TMEM132D: variants seen among roughly 807,000 people sequenced by gnomAD.
TMEM132D encodes mature OL transmembrane protein.
In TMEM132D, 21 loss-of-function variants were observed where a neutral mutation model predicts 62.3. The observed-to-expected ratio is 0.34, with a 90% CI of 0.24 to 0.49. TMEM132D has a LOEUF of 0.49. Ranked by LOEUF, TMEM132D falls within the 20% of genes least tolerant of loss-of-function variation. TMEM132D has a pLI of 0.99. For missense variants in TMEM132D, 1,346 were observed against 1,402.8 expected (o/e 0.96, Z 0.65); for synonymous variants, 621 against 575.6 (o/e 1.08, Z -1.13).
chr12:129,571,830 T>A (rs1176218909), intron 2 of TMEM132D, among the ~76,000 whole-genome samples: 17 of 151,896 alleles, frequency 1.1e-4, no homozygotes, highest in Non-Finnish European at 1.5e-5. Flanking sequence ...GGATTTTTTT[T>A]AAAGACCATT....
In TMEM132D at chr12:129,372,710, A is replaced by C. The variant is rs1870652284; in HGVS notation, c.1116-34893T>G. Among the ~76,000 whole-genome samples the C allele has an allele frequency of 3.9e-5, 6 of 151,936 alleles. 1 individual carries two copies. In the South Asian group the frequency reaches 1.2e-3, roughly 32 times the overall value. ...GCTCCTTATGAGAATCTAATGCCTG[A>C]TGATCTGTCACTGTCTCCTGTCTCC... On this transcript the variant is annotated intron_variant, in intron 3 of 8. Transcript: ENST00000422113.
intron 1 of TMEM132D, among the ~76,000 whole-genome samples, chr12:129,757,999 T>C (rs1008254496): frequency 1.3e-5 from 2 of 152,260 alleles, no homozygotes; most frequent in South Asian, 4.2e-4. Flanking sequence ...GCCTCCTGGG[T>C]TCAAGTGATT....
Position 129,078,515 on chromosome 12 carries a change from C to G in TMEM132D, c.2115+19G>C, listed in dbSNP as rs766925189. ...GGTGAGGGACCCTGCTGAAGTGTGTCTCAAGCCCTCCTCCATACCTGTTTT... is the reference window on the plus strand; with the variant it reads ...GGTGAGGGACCCTGCTGAAGTGTGTGTCAAGCCCTCCTCCATACCTGTTTT... On this transcript the variant is annotated intron_variant, in intron 8 of 8. Transcript: ENST00000422113. 3.1e-6 allele frequency: 5 copies of G among 1,608,114 alleles called. No homozygotes were observed. In the South Asian group the frequency reaches 5.5e-5, roughly 18 times the overall value.
chr12:129,150,634 G>A (rs1877045040), intron 5 of TMEM132D, among the ~76,000 whole-genome samples: 1 of 152,186 alleles, frequency 6.6e-6, no homozygotes, highest in Non-Finnish European at 1.5e-5. Flanking sequence ...AAAGCCAGGT[G>A]GTCTGATCCC....
intron 4 of TMEM132D, among the ~76,000 whole-genome samples, chr12:129,240,144 C>A (rs1364242272): frequency 2.6e-5 from 4 of 152,114 alleles, no homozygotes; most frequent in Non-Finnish European, 5.9e-5. Flanking sequence ...AATAAAACAG[C>A]AATGAGCAGT....
At chr12:129,648,027 C>T (rs1879831234) in intron 2 of TMEM132D, among the ~76,000 whole-genome samples, 1 of 152,178 alleles carries the variant, frequency 6.6e-6, no homozygotes, top group South Asian at 2.1e-4. Flanking sequence ...AAAGTCCCTC[C>T]CTGTTTGGAG....
intron 3 of TMEM132D, among the ~76,000 whole-genome samples, chr12:129,526,305 C>A (rs1233723667): frequency 6.6e-6 from 1 of 152,046 alleles, no homozygotes; most frequent in African/African-American, 2.4e-5. Context: ...TTCCTCGAGA[C>A]AAAGTCTTTG....
intron 1 of TMEM132D, among the ~76,000 whole-genome samples, chr12:129,823,056 C>T (rs569301933): frequency 6.6e-5 from 10 of 152,088 alleles, no homozygotes; most frequent in African/African-American, 9.7e-5. Context: ...AGTGAGTCAT[C>T]GTGAGATCTG....
At chr12:129,272,072 T>C (rs756201789) in intron 4 of TMEM132D, among the ~76,000 whole-genome samples, 25 of 151,904 alleles carry the variant, frequency 1.6e-4, no homozygotes, top group Non-Finnish European at 3.4e-4. Context: ...ACAGTTTTTC[T>C]ACAGCAAAGT....
chr12:129,750,235 G>A (rs10847934), intron 1 of TMEM132D, among the ~76,000 whole-genome samples: 38,417 of 151,872 alleles, frequency 0.25, 5,608 homozygotes, highest in East Asian at 0.37. Flanking sequence ...ACAGGCACCC[G>A]CCACCACGCC....
At chr12:129,484,939 A>G (rs770180969) in intron 3 of TMEM132D, among the ~76,000 whole-genome samples, 8 of 152,302 alleles carry the variant, frequency 5.3e-5, no homozygotes, top group South Asian at 2.1e-4. Flanking sequence ...CCCTGGGCCA[A>G]TGTTTTAGAG....
chr12:129,130,782 C>A (rs11060151), intron 5 of TMEM132D, among the ~76,000 whole-genome samples: 23,271 of 152,046 alleles, frequency 0.15, 2,034 homozygotes, highest in East Asian at 0.3. Flanking sequence ...AGGAGTACAA[C>A]GGTGCATATT....
chr12:129,715,271 A>T (rs1868530004), intron 1 of TMEM132D, among the ~76,000 whole-genome samples: 1 of 152,158 alleles, frequency 6.6e-6, no homozygotes, highest in African/African-American at 2.4e-5. Context: ...GAGAAGGGAC[A>T]AATCACACAA....
chr12:129,269,062 T>C (rs1047668932), intron 4 of TMEM132D, among the ~76,000 whole-genome samples: 3 of 151,240 alleles, frequency 2.0e-5, no homozygotes, highest in African/African-American at 4.9e-5. Flanking sequence ...GAGATATACC[T>C]AATGCTAAAT....
At chr12:129,248,932 A>C (rs561698853) in intron 4 of TMEM132D, among the ~76,000 whole-genome samples, 24 of 152,178 alleles carry the variant, frequency 1.6e-4, no homozygotes, top group Admixed American at 9.2e-4. Context: ...CACTTTATAT[A>C]CTCAAAGGAA....
intron 5 of TMEM132D, among the ~76,000 whole-genome samples, chr12:129,190,065 C>T (rs561951214): frequency 1.7e-4 from 26 of 149,794 alleles, no homozygotes; most frequent in South Asian, 4.3e-4. Context: ...GGTCTTGGGA[C>T]GGCCTGCAGA....
At chr12:129,147,109 A>G (rs1333875474) in intron 5 of TMEM132D, among the ~76,000 whole-genome samples, 2 of 151,788 alleles carry the variant, frequency 1.3e-5, no homozygotes, top group Non-Finnish European at 2.9e-5. Context: ...TTCAACTGCC[A>G]TTTTGCCCAT....
intron 1 of TMEM132D, among the ~76,000 whole-genome samples, chr12:129,756,591 A>C (rs2137271484): frequency 6.6e-6 from 1 of 152,346 alleles, no homozygotes; most frequent in Admixed American, 6.5e-5. Flanking sequence ...AGAGTTCTGG[A>C]GATGGATAAG....
At chr12:129,840,686 T>A (rs1019839837) in intron 1 of TMEM132D, among the ~76,000 whole-genome samples, 3 of 152,154 alleles carry the variant, frequency 2.0e-5, no homozygotes, top group Non-Finnish European at 4.4e-5. Context: ...GCCGCCCGCT[T>A]CCCAGGCCAA....
Sources: gnomAD v4.1 joint callset for allele counts (sites outside exome capture counted in the v4.1 genomes callset) on GRCh38, gnomAD v4.1.1 for gene constraint, MANE v1.5 for transcripts, NCBI Gene and HGNC (gene_info 2026-07-23, HGNC 2026-07-21) for gene names.